The following RAMP1 variants were observed in gnomAD, a reference collection of about 807,000 sequenced individuals.
RAMP1 encodes receptor activity modifying protein 1.
Under a neutral mutation model 8.2 loss-of-function variants are expected in RAMP1, and 7 were observed. The observed-to-expected ratio is 0.85, with a 90% confidence interval of 0.49 to 1.60. RAMP1 has a LOEUF of 1.60. Ranked by LOEUF, RAMP1 falls within the 40% of genes most tolerant of loss-of-function variation. The pLI is 0.00. For synonymous variants in RAMP1, 92 were observed against 84.7 expected (o/e 1.09, Z -0.47); for missense variants, 192 against 202.4 (o/e 0.95, Z 0.31).
intron 2 of RAMP1, among the ~76,000 whole-genome samples, chr2:237,893,391 A>C (rs2062505737): frequency 6.6e-6 from 1 of 152,214 alleles, no homozygotes. Flanking sequence ...TGTGCAGTGC[A>C]GTTTCCTCCT....
At chr2:237,894,040 G>A (rs1365432987) in intron 2 of RAMP1, among the ~76,000 whole-genome samples, 5 of 131,274 alleles carry the variant, frequency 3.8e-5, no homozygotes, top group African/African-American at 1.5e-4. Flanking sequence ...CGTGATCTCA[G>A]CTCACTGCAA....
intron 2 of RAMP1, among the ~76,000 whole-genome samples, chr2:237,882,867 C>G (rs78180337): frequency 0.12 from 18,636 of 152,002 alleles, 1,378 homozygotes; most frequent in African/African-American, 0.21. Context: ...GTTGGATGAG[C>G]GGGACCCCAA....
chr2:237,864,206 C>G (rs1268361735), intron 1 of RAMP1, among the ~76,000 whole-genome samples: 3 of 152,188 alleles, frequency 2.0e-5, no homozygotes, highest in Non-Finnish European at 2.9e-5. Flanking sequence ...CCCAGGAAGC[C>G]CTGCCCCCTG....
intron 2 of RAMP1, among the ~76,000 whole-genome samples, chr2:237,900,872 A>G (rs917937797): frequency 6.6e-6 from 1 of 152,204 alleles, no homozygotes; most frequent in African/African-American, 2.4e-5. Flanking sequence ...TTGCCGCCTA[A>G]CACAGACCCA....
intron 2 of RAMP1, among the ~76,000 whole-genome samples, chr2:237,897,050 G>T (rs934184515): frequency 5.9e-5 from 9 of 152,218 alleles, no homozygotes; most frequent in Non-Finnish European, 2.9e-5. Flanking sequence ...AGCCTCAGTG[G>T]GTCCCTCTTT....
intron 2 of RAMP1, among the ~76,000 whole-genome samples, chr2:237,888,880 T>C (rs924328926): frequency 2.6e-5 from 4 of 152,166 alleles, no homozygotes; most frequent in African/African-American, 9.7e-5. Context: ...CAAGTGATTC[T>C]CCTACCTCAG....
rs1372981931 is a variant in RAMP1, at chr2:237,877,672, A to C, written c.191+310A>C. On this transcript the variant is annotated intron_variant, in intron 2 of 2. Coordinates refer to ENST00000254661, the MANE Select transcript of RAMP1 (RefSeq NM_005855.4). This position sits in a 1 kb window ranked among gnomAD's most constrained non-coding sequence, Gnocchi z 4.4. Reference sequence around the variant, plus strand: ...AGGCGCCTGGGGAATGACTGAGAGTAGGGTCTCATGCCCAGGGTGGCCGGG... The same window carrying C: ...AGGCGCCTGGGGAATGACTGAGAGTCGGGTCTCATGCCCAGGGTGGCCGGG... 6.6e-6 allele frequency among the ~76,000 whole-genome samples: 1 copy of C among 152,138 alleles called. No homozygotes were observed. Among genetic ancestry groups the C allele is most frequent in the Non-Finnish European group, 1.5e-5 (1 of 67,998 alleles).
At chr2:237,867,032 A>G (rs1337865102) in intron 1 of RAMP1, among the ~76,000 whole-genome samples, 1 of 152,140 alleles carries the variant, frequency 6.6e-6, no homozygotes, top group Non-Finnish European at 1.5e-5. Context: ...CCCAGCCTAT[A>G]CTGTATTCTT....
chr2:237,909,358 G>A (rs534241967), intron 2 of RAMP1, among the ~76,000 whole-genome samples: 129 of 144,812 alleles, frequency 8.9e-4, no homozygotes, highest in Admixed American at 2.8e-3. Flanking sequence ...AGGCCTTGCC[G>A]AGCCTGTGCC....
intron 1 of RAMP1, among the ~76,000 whole-genome samples, chr2:237,871,502 G>A (rs1247215335): frequency 6.6e-6 from 1 of 152,168 alleles, no homozygotes; most frequent in Admixed American, 6.5e-5. Flanking sequence ...ACAGATCGTG[G>A]CAACTGAAGG....
intron 1 of RAMP1, chr2:237,874,798 A>AG: frequency 1.4e-6 from 1 of 738,622 alleles, no homozygotes; most frequent in Non-Finnish European, 1.7e-6. Flanking sequence ...AGGAGATGAG[A>AG]GGGCAGCCAA....
At chr2:237,897,395 A>C (rs1465553581) in intron 2 of RAMP1, among the ~76,000 whole-genome samples, 1 of 152,204 alleles carries the variant, frequency 6.6e-6, no homozygotes, top group Non-Finnish European at 1.5e-5. Context: ...CATGCTCTAC[A>C]GTCACTGCGA....
chr2:237,893,534 T>C (rs904973255), intron 2 of RAMP1, among the ~76,000 whole-genome samples: 1 of 152,270 alleles, frequency 6.6e-6, no homozygotes, highest in Admixed American at 6.5e-5. Flanking sequence ...CACTTCTTTG[T>C]CATATCTTGC....
intron 2 of RAMP1, among the ~76,000 whole-genome samples, chr2:237,905,467 G>A (rs1313074482): frequency 6.6e-6 from 1 of 152,198 alleles, no homozygotes; most frequent in East Asian, 1.9e-4. Context: ...ACCCACACAC[G>A]GCCCTATCTG....
chr2:237,890,922 C>G (rs2062481404), intron 2 of RAMP1, among the ~76,000 whole-genome samples: 1 of 152,188 alleles, frequency 6.6e-6, no homozygotes, highest in Admixed American at 6.5e-5. Flanking sequence ...CTTTGCATCA[C>G]CGTGTCTTTT....
intron 2 of RAMP1, among the ~76,000 whole-genome samples, chr2:237,898,719 AGGT>A (rs2062567947): frequency 6.6e-6 from 1 of 152,254 alleles, no homozygotes; most frequent in Non-Finnish European, 1.5e-5. Context: ...ACGCAGACGT[AGGT>A]GGGAAGCTAC....
chr2:237,860,497 G>T (rs570000133), intron 1 of RAMP1, among the ~76,000 whole-genome samples: 21 of 152,322 alleles, frequency 1.4e-4, no homozygotes, highest in African/African-American at 4.1e-4. Flanking sequence ...CACTCGGCAA[G>T]AAACGGTGCT....
At chr2:237,907,117 T>C (rs1353161562) in intron 2 of RAMP1, among the ~76,000 whole-genome samples, 2 of 152,228 alleles carry the variant, frequency 1.3e-5, no homozygotes, top group Admixed American at 1.3e-4. Context: ...ACTTTCAAGA[T>C]GTTGCCCATT....
chr2:237,871,300 G>C (rs958837322), intron 1 of RAMP1, among the ~76,000 whole-genome samples: 1 of 152,242 alleles, frequency 6.6e-6, no homozygotes, highest in African/African-American at 2.4e-5. Context: ...GAGGAGCTCA[G>C]ACAGCTGAGT....
Sources: gnomAD v4.1 joint callset for allele counts (sites outside exome capture counted in the v4.1 genomes callset) on GRCh38, gnomAD v4.1.1 for gene constraint, Gnocchi (gnomAD v3.1) non-coding constraint, MANE v1.5 for transcripts, NCBI Gene and HGNC (gene_info 2026-07-23, HGNC 2026-07-21) for gene names.